The following TYW3 variants were observed in gnomAD, a reference collection of about 807,000 sequenced individuals.
TYW3 encodes tRNA wybutosine-synthesizing protein 3 homolog.
Under a neutral mutation model 23.1 loss-of-function variants are expected in TYW3, and 26 were observed. That is an observed-to-expected ratio of 1.13 (90% CI 0.83 to 1.56). TYW3 has a LOEUF of 1.56. TYW3 is among the 40% of genes most tolerant of loss of function. The probability of loss-of-function intolerance (pLI) is 0.00; values close to 1 mark genes in which losing one functional copy is unlikely to be tolerated. For missense variants in TYW3, 316 were observed against 311.9 expected (o/e 1.01, Z -0.10); for synonymous variants, 102 against 105.7 (o/e 0.97, Z 0.21).
intron 4 of TYW3, among the ~76,000 whole-genome samples, chr1:74,749,190 A>G (rs1648691985): frequency 6.6e-6 from 1 of 152,216 alleles, no homozygotes; most frequent in South Asian, 2.1e-4. Flanking sequence ...CAAGCTCCTC[A>G]GTCCCTCAGG....
At chr1:74,760,235 G>T (rs186227286) in intron 5 of TYW3, among the ~76,000 whole-genome samples, 6 of 152,136 alleles carry the variant, frequency 3.9e-5, no homozygotes, top group African/African-American at 1.2e-4. Context: ...TGCTATCTCA[G>T]GGGTGGCAGA....
Position 74,736,626 on chromosome 1 carries a change from A to G in TYW3, c.255+4A>G, listed in dbSNP as rs777715082. On this transcript the variant is annotated splice_donor_region_variant and intron_variant, in intron 2 of 5. Transcript: ENST00000370867. ...ACTTTGTGTAAAAGATGATGTGGTA[A>G]GTTTTAAAAAATAAATTTGGAAATA... The G allele has an allele frequency of 1.3e-6, 2 of 1,579,450 alleles. No individual in the cohort carries two copies. Among genetic ancestry groups the G allele is most frequent in the Admixed American group, 1.8e-5 (1 of 54,638 alleles).
chr1:74,747,355 G>A (rs1021024850), intron 3 of TYW3, among the ~76,000 whole-genome samples: 8 of 152,090 alleles, frequency 5.3e-5, no homozygotes, highest in Admixed American at 1.3e-4. Flanking sequence ...TAGAAAGACC[G>A]GGCCAGGCGC....
At chr1:74,750,964 A>T (rs1159649080) in intron 4 of TYW3, 1 of 151,896 alleles carries the variant, frequency 6.6e-6, no homozygotes, top group Non-Finnish European at 1.5e-5. Flanking sequence ...GGCCCTTGCC[A>T]CTATGCCTGG....
intron 5 of TYW3, among the ~76,000 whole-genome samples, chr1:74,753,284 T>G (rs1200417888): frequency 2.6e-5 from 4 of 152,246 alleles, no homozygotes; most frequent in Admixed American, 6.5e-5. Context: ...CCATACTGCT[T>G]CTTTCCTCAT....
rs1649261598 is a variant in TYW3, at chr1:74,765,211, G to T, written c.*1098G>T. ...ATTCCTGGAGACAGCATTTGAGGAGGAATTGAAGATTTTTCTAATGAAAAG... is the reference window on the plus strand; with the variant it reads ...ATTCCTGGAGACAGCATTTGAGGAGTAATTGAAGATTTTTCTAATGAAAAG... On this transcript the variant is annotated 3_prime_UTR_variant, in exon 6 of 6. Coordinates refer to ENST00000370867, the MANE Select transcript of TYW3 (RefSeq NM_138467.3). 1 of 151,980 alleles carries T rather than the reference G, an allele frequency of 6.6e-6. No homozygotes were observed. The highest frequency in any genetic ancestry group is 1.5e-5 in the Non-Finnish European group (1 of 67,968). The allele number at this position is 151,980 out of a possible 1,614,324, so 9.4% of individuals were successfully genotyped here.
rs1008722208 is a variant in TYW3 at position 74,765,597 on chromosome 1, T to C, written c.*1484T>C. ...CTGGTGGACAGAATATGAAAGTATCTGCCTGGCAGTGCAGTAAATGAAAAG... is the reference window on the plus strand; with the variant it reads ...CTGGTGGACAGAATATGAAAGTATCCGCCTGGCAGTGCAGTAAATGAAAAG... On this transcript the variant is annotated 3_prime_UTR_variant, in exon 6 of 6. Transcript: ENST00000370867. The C allele has an allele frequency of 6.6e-6, 1 of 152,004 alleles. No individual in the cohort carries two copies. The highest frequency in any genetic ancestry group is 2.4e-5 in the African/African-American group (1 of 41,386). 9.4% of individuals were successfully genotyped at this position (152,004 alleles called of 1,614,324 possible). A position where few individuals can be genotyped will look rare whatever the true frequency, so the allele number is the denominator to read the frequency against.
chr1:74,755,603 CT>C (rs779655918), intron 5 of TYW3, among the ~76,000 whole-genome samples: 2 of 152,118 alleles, frequency 1.3e-5, no homozygotes, highest in Non-Finnish European at 2.9e-5. Context: ...GTGTCTTTCC[CT>C]TTTAGCTATT....
intron 3 of TYW3, among the ~76,000 whole-genome samples, chr1:74,745,500 G>A (rs774508023): frequency 1.5e-4 from 23 of 151,694 alleles, no homozygotes; most frequent in Non-Finnish European, 2.1e-4. Context: ...TGATTGGTGC[G>A]TTTACAATCC....
intron 3 of TYW3, among the ~76,000 whole-genome samples, chr1:74,745,613 G>A (rs150882978): frequency 2.0e-5 from 3 of 152,248 alleles, no homozygotes; most frequent in African/African-American, 7.2e-5. Flanking sequence ...ATCCCCACTC[G>A]ACCCAGGAAG....
chr1:74,733,263 T>C lies in TYW3; in HGVS notation c.19T>C (p.Phe7Leu), dbSNP rs760313363. The C allele has an allele frequency of 2.5e-6, 4 of 1,613,668 alleles. No homozygotes were observed. The Admixed American group carries it at 5.0e-5, about 20-fold the overall frequency. ...GTCACCCATGGATCGCAGCGCGGAG[T>C]TCAGGAAATGGAAGGCGCAATGTTT... Reference protein sequence around the residue: MDRSAEFRKWKAQCLSK... With the variant: MDRSAELRKWKAQCLSK... The change falls in exon 1 of 6, where the codon TTC (phenylalanine) becomes CTC (leucine). Residue 7 changes from phenylalanine to leucine, a missense_variant. By Grantham distance (22) the Phe-to-Leu change is conservative. Coordinates refer to ENST00000370867, the MANE Select transcript of TYW3 (RefSeq NM_138467.3).
chr1:74,749,498 C>T (rs1359131088), intron 4 of TYW3, among the ~76,000 whole-genome samples: 1 of 152,170 alleles, frequency 6.6e-6, no homozygotes, highest in Admixed American at 6.5e-5. Flanking sequence ...AGATATTTCT[C>T]CCTATTCTGA....
chr1:74,749,759 G>A (rs1339837104), intron 4 of TYW3, among the ~76,000 whole-genome samples: 1 of 152,122 alleles, frequency 6.6e-6, no homozygotes, highest in African/African-American at 2.4e-5. Context: ...GAGGTCAAGA[G>A]ATCGAGACCA....
chr1:74,764,930 G>A lies in TYW3; in HGVS notation c.*817G>A, dbSNP rs1649251754. ...AAACACAGCATGTGATGCGAGTCAA[G>A]GTAGTTGATGCCCAACTGTGAAGGG... On this transcript the variant is annotated 3_prime_UTR_variant, in exon 6 of 6. Transcript: ENST00000370867. 6.6e-6 allele frequency: 1 copy of A among 152,202 alleles called. No homozygotes were observed. Among genetic ancestry groups the A allele is most frequent in the South Asian group, 2.1e-4 (1 of 4,826 alleles). The allele number at this position is 152,202 out of a possible 1,614,324, so 9.4% of individuals were successfully genotyped here.
chr1:74,748,915 C>G, intron 4 of TYW3, 93 bp downstream of exon 4: 1 of 1,129,332 alleles, frequency 8.9e-7, no homozygotes, highest in Non-Finnish European at 1.3e-6. Flanking sequence ...TGTCTCCTTT[C>G]TCAAATCTTC....
chr1:74,763,002 A>G (rs2100780264), intron 5 of TYW3, among the ~76,000 whole-genome samples: 1 of 152,330 alleles, frequency 6.6e-6, no homozygotes, highest in East Asian at 1.9e-4. Flanking sequence ...TCAAATAGCT[A>G]ATAAATGAGA....
intron 1 of TYW3, 26 bp downstream of exon 1, chr1:74,733,444 CG>C (rs1647989165): frequency 6.2e-7 from 1 of 1,612,182 alleles, no homozygotes; most frequent in Admixed American, 1.7e-5. Flanking sequence ...GCCTGTCCAT[CG>C]CCTGCCTTCT....
Position 74,743,470 on chromosome 1 carries a change from G to T in TYW3, c.354+4682G>T, listed in dbSNP as rs189243688. Among the ~76,000 whole-genome samples the T allele has an allele frequency of 2.5e-3, 385 of 152,238 alleles. 2 individuals carry two copies. Among genetic ancestry groups the T allele is most frequent in the African/African-American group, 8.3e-3 (345 of 41,538 alleles). On this transcript the variant is annotated intron_variant, in intron 3 of 5. Transcript: ENST00000370867. Reference sequence around the variant, plus strand: ...ATAATAAACTCATCTTTAAGGATCAGTTGACCCTCGAGTGAGTCGGGTGAC... The same window carrying T: ...ATAATAAACTCATCTTTAAGGATCATTTGACCCTCGAGTGAGTCGGGTGAC...
At chr1:74,755,355 T>C (rs918765813) in intron 5 of TYW3, among the ~76,000 whole-genome samples, 1 of 152,218 alleles carries the variant, frequency 6.6e-6, no homozygotes, top group African/African-American at 2.4e-5. Context: ...TCGTACTCCA[T>C]TCCCCTGGTA....
Sources: allele counts gnomAD v4.1 joint callset (sites outside exome capture counted in the v4.1 genomes callset), GRCh38; gene constraint gnomAD v4.1.1; transcripts MANE v1.5; gene names NCBI Gene and HGNC (gene_info 2026-07-23, HGNC 2026-07-21).